Variants in RBM19 observed in about 807,000 individuals in gnomAD.
RBM19 encodes the protein RNA binding motif protein 19.
In RBM19, 94 loss-of-function variants were observed where a neutral mutation model predicts 116.8. The observed-to-expected ratio is 0.80, with a 90% CI of 0.68 to 0.95. The LOEUF is 0.95. RBM19 is among the 40% of genes least tolerant of loss of function. RBM19 has a pLI of 0.00. For synonymous variants in RBM19, 475 were observed against 494.1 expected, an observed-to-expected ratio of 0.96 and a Z score of 0.51; for missense variants, 1,161 against 1,220.7, an observed-to-expected ratio of 0.95 and a Z score of 0.73.
At chr12:113,861,513 T>TGA (rs1878379604) in intron 21 of RBM19, among the ~76,000 whole-genome samples, 1 of 143,784 alleles carries the variant, frequency 7.0e-6, no homozygotes, top group Non-Finnish European at 1.5e-5. Context: ...TGTGTGTGTG[T>TGA]GAAGGAGAGA....
chr12:113,962,118 A>C, intron 2 of RBM19, 114 bp downstream of exon 2: 1 of 1,304,528 alleles, frequency 7.7e-7, no homozygotes, highest in East Asian at 2.3e-5. Flanking sequence ...TGAGGAAGAA[A>C]ACCAAAGACA....
At chr12:113,844,204 G>A (rs1031827851) in intron 23 of RBM19, among the ~76,000 whole-genome samples, 4 of 152,222 alleles carry the variant, frequency 2.6e-5, no homozygotes, top group African/African-American at 7.2e-5. Flanking sequence ...GAAGTGGACC[G>A]GGTCATGGAG....
Position 113,962,497 on chromosome 12 carries a change from C to T in RBM19, c.37-83G>A, listed in dbSNP as rs528427116. ...AAAATGGGCTGGAAACCTGAGGCCACGAGATTCTCCAAGGGTGGCCTTAGA... is the reference window on the plus strand; with the variant it reads ...AAAATGGGCTGGAAACCTGAGGCCATGAGATTCTCCAAGGGTGGCCTTAGA... On this transcript the variant is annotated intron_variant, in intron 1 of 23. Transcript: ENST00000261741. 1.0e-4 allele frequency: 143 copies of T among 1,382,966 alleles called. No homozygotes were observed. The East Asian group carries it at 2.5e-3, about 24-fold the overall frequency. The allele number at this position is 1,382,966 out of a possible 1,614,324, so 85.7% of individuals were successfully genotyped here.
rs151121535 is a variant in RBM19, at chr12:113,928,353, AAACAAC to A, written c.2069-1130_2069-1125del. Among the ~76,000 whole-genome samples, 60 of 150,966 alleles carry A rather than the reference AAACAAC, an allele frequency of 4.0e-4. 3 individuals carry two copies. In the East Asian group the frequency reaches 0.011, roughly 29 times the overall value. ...CTCCATCTCAAAAATAAAACAAAAC[AAACAAC>A]AACAACAACAACAACAAAACCATGA... On this transcript the variant is annotated intron_variant, in intron 16 of 23. Transcript: ENST00000261741.
rs1874488940 is a variant in RBM19, at chr12:113,822,480, A to C, written c.*744T>G. On this transcript the variant is annotated 3_prime_UTR_variant, in exon 24 of 24. Coordinates refer to ENST00000261741, the MANE Select transcript of RBM19 (RefSeq NM_016196.4). ...ATTCAGCTCAGCCAGGGAGCTTGGC[A>C]TCTGGGCTTGGAGCTCGATGCTTCA... 1 of 152,206 alleles carries C rather than the reference A, an allele frequency of 6.6e-6. No homozygotes were observed. The highest frequency in any genetic ancestry group is 1.5e-5 in the Non-Finnish European group (1 of 68,062). The allele number at this position is 152,206 out of a possible 1,614,324, so 9.4% of individuals were successfully genotyped here.
intron 21 of RBM19, among the ~76,000 whole-genome samples, chr12:113,888,519 AT>A (rs1260431933): frequency 2.0e-5 from 3 of 152,148 alleles, no homozygotes; most frequent in Non-Finnish European, 4.4e-5. Context: ...CAATTTCCGT[AT>A]ATTGTATATG....
chr12:113,855,655 A>G (rs1877837876), intron 22 of RBM19, among the ~76,000 whole-genome samples: 1 of 152,144 alleles, frequency 6.6e-6, no homozygotes, highest in South Asian at 2.1e-4. Context: ...CGGCCCTGAG[A>G]GGCTGGGATC....
chr12:113,846,619 A>C (rs935523235), intron 22 of RBM19, among the ~76,000 whole-genome samples: 8 of 152,160 alleles, frequency 5.3e-5, no homozygotes, highest in African/African-American at 9.7e-5. Flanking sequence ...CAGCCAGGGG[A>C]GAGGCACCAA....
At chr12:113,832,255 T>C (rs1251364063) in intron 23 of RBM19, among the ~76,000 whole-genome samples, 1 of 151,544 alleles carries the variant, frequency 6.6e-6, no homozygotes, top group African/African-American at 2.4e-5. Flanking sequence ...AGTGGTGTGA[T>C]CTCGGCTCAC....
At position 113,884,058 on chromosome 12, in the gene RBM19, T is replaced by G. The variant is rs151038639; in HGVS notation, c.2559-25162A>C. On this transcript the variant is annotated intron_variant, in intron 21 of 23. Coordinates refer to ENST00000261741, the MANE Select transcript of RBM19 (RefSeq NM_016196.4). ...GGGAGGCTGAAGTGAGAGGACAGCT[T>G]GAACCCAGGAGTTCAAGACCAGCCC... Among the ~76,000 whole-genome samples the G allele has an allele frequency of 4.0e-5, 6 of 148,680 alleles. 1 individual carries two copies. The highest frequency in any genetic ancestry group is 7.4e-5 in the Non-Finnish European group (5 of 67,656).
At position 113,942,365 on chromosome 12, in the gene RBM19, A is replaced by C. The variant is rs756829441; in HGVS notation, c.1696T>G (p.Phe566Val). 9 of 1,608,636 alleles carry C rather than the reference A, an allele frequency of 5.6e-6. No homozygotes were observed. The highest frequency in any genetic ancestry group is 1.6e-4 in the Middle Eastern group (1 of 6,084). ...ETQLVQEVRR[F>V]LIDNGVSLDS... ...AGGCTGACCCCGTTGTCTATGAGAAAACGCCGCACTTCCTGGACGAGCTGG... is the reference window on the plus strand; with the variant it reads ...AGGCTGACCCCGTTGTCTATGAGAACACGCCGCACTTCCTGGACGAGCTGG... Residue 566 changes from phenylalanine (F) to valine (V), a missense_variant, in exon 14 of 24, where the codon TTT becomes GTT. By Grantham distance (50) the Phe-to-Val change is conservative (BLOSUM62 -1). Transcript: ENST00000261741.
intron 21 of RBM19, among the ~76,000 whole-genome samples, chr12:113,883,098 C>T (rs1032151104): frequency 2.6e-5 from 4 of 151,814 alleles, no homozygotes; most frequent in African/African-American, 4.8e-5. Flanking sequence ...TTGTAGGGAA[C>T]GAGGGAGAAA....
chr12:113,833,037 C>A (rs1055456839), intron 23 of RBM19, among the ~76,000 whole-genome samples: 2 of 152,092 alleles, frequency 1.3e-5, no homozygotes, highest in African/African-American at 2.4e-5. Flanking sequence ...TATATCTCAG[C>A]CCAGACTTCG....
At chr12:113,838,270 C>T (rs1876137729) in intron 23 of RBM19, among the ~76,000 whole-genome samples, 1 of 152,196 alleles carries the variant, frequency 6.6e-6, no homozygotes, top group Admixed American at 6.5e-5. Flanking sequence ...ACCAGAGGAC[C>T]TGGAGAAAAC....
At chr12:113,916,751 A>G (rs1337487955) in intron 20 of RBM19, among the ~76,000 whole-genome samples, 1 of 152,212 alleles carries the variant, frequency 6.6e-6, no homozygotes, top group Non-Finnish European at 1.5e-5. Context: ...ATGTGAGTGT[A>G]TCATCTTAAT....
At chr12:113,924,063 C>A (rs554583749) in intron 18 of RBM19, among the ~76,000 whole-genome samples, 1 of 152,160 alleles carries the variant, frequency 6.6e-6, no homozygotes, top group Non-Finnish European at 1.5e-5. Context: ...CATGGCTGTG[C>A]GAAAGCAAGG....
chr12:113,961,415 C>T (rs2135944514), intron 2 of RBM19, among the ~76,000 whole-genome samples: 1 of 152,146 alleles, frequency 6.6e-6, no homozygotes, highest in South Asian at 2.1e-4. Flanking sequence ...AAATAATATA[C>T]AAAAGTACAA....
intron 21 of RBM19, among the ~76,000 whole-genome samples, chr12:113,871,459 T>C (rs1391084521): frequency 1.3e-5 from 2 of 149,896 alleles, no homozygotes; most frequent in African/African-American, 4.8e-5. Flanking sequence ...ATTTTTTCTA[T>C]AAAGGGTCAG....
downstream of RBM19, among the ~76,000 whole-genome samples, chr12:113,819,831 G>A (rs1874298962): frequency 6.6e-6 from 1 of 152,164 alleles, no homozygotes; most frequent in Non-Finnish European, 1.5e-5. Flanking sequence ...CCAGGCAAAT[G>A]ACTTTTCCCG....
Sources: allele counts gnomAD v4.1 joint callset (sites outside exome capture counted in the v4.1 genomes callset), GRCh38; gene constraint gnomAD v4.1.1; transcripts MANE v1.5; gene names NCBI Gene and HGNC (gene_info 2026-07-23, HGNC 2026-07-21).